Variants in KCNQ1 observed in about 807,000 individuals in gnomAD.
KCNQ1 encodes the protein potassium voltage-gated channel subfamily KQT member 1.
KCNQ1 carries 49 observed loss-of-function variants against 72.4 expected under a neutral mutation model. The observed-to-expected ratio is 0.68, with a 90% CI of 0.54 to 0.86. KCNQ1 has a LOEUF of 0.86. Among genes scored for constraint, KCNQ1 ranks in the 40% least tolerant of loss-of-function variants. KCNQ1 has a pLI of 0.00. For synonymous variants in KCNQ1, 450 were observed against 412.6 expected (o/e 1.09, Z -1.10); for missense variants, 790 against 945.1 (o/e 0.84, Z 2.15).
In KCNQ1 at chr11:2,663,065, G is replaced by T. The variant is rs1479676913; in HGVS notation, c.1514+984G>T. ...CAGGTGTAACCAGAGAACTGGCAGG[G>T]TTGGGTAGCCAGAATGAGGCCACCT... On this transcript the variant is annotated intron_variant, in intron 11 of 15. Coordinates refer to ENST00000155840, the MANE Select transcript of KCNQ1 (RefSeq NM_000218.3). The surrounding 1 kb of genome is among the most constrained non-coding windows in gnomAD (Gnocchi z 5.2). The T allele has an allele frequency of 1.0e-5, 4 of 398,480 alleles. No individual in the cohort carries two copies. The highest frequency in any genetic ancestry group is 1.8e-5 in the Non-Finnish European group (4 of 226,038). The allele number at this position is 398,480 out of a possible 1,614,324, so 24.7% of individuals were successfully genotyped here.
rs1846468742 is a variant in KCNQ1 at position 2,471,756 on chromosome 11, A to C, written c.386+26272A>C. On this transcript the variant is annotated intron_variant, in intron 1 of 15. Coordinates refer to ENST00000155840, the MANE Select transcript of KCNQ1 (RefSeq NM_000218.3). The surrounding 1 kb of genome is among the most constrained non-coding windows in gnomAD (Gnocchi z 4.8). ...TGTATGTGTGCATGGGCGTGTGTGT[A>C]CTTGTGTATGGGTGTGTGCATGTGA... is the stretch of plus-strand genomic sequence containing the variant. Among the ~76,000 whole-genome samples, 1 of 145,170 alleles carries C rather than the reference A, an allele frequency of 6.9e-6. No homozygotes were observed.
At chr11:2,700,854 C>T (rs1850796991) in intron 11 of KCNQ1, among the ~76,000 whole-genome samples, 2 of 152,118 alleles carry the variant, frequency 1.3e-5, no homozygotes, top group South Asian at 2.1e-4. Flanking sequence ...GCCGCTGGCG[C>T]GCGCCTTCTG....
At chr11:2,792,300 C>G (rs1847042431) in intron 15 of KCNQ1, among the ~76,000 whole-genome samples, 1 of 152,222 alleles carries the variant, frequency 6.6e-6, no homozygotes, top group Non-Finnish European at 1.5e-5. Context: ...CCTCTGGCCG[C>G]CAGATCTTTG....
chr11:2,668,859 T>G lies in KCNQ1; in HGVS notation c.1514+6778T>G, dbSNP rs144908659. On this transcript the variant is annotated intron_variant, in intron 11 of 15. Coordinates refer to ENST00000155840, the MANE Select transcript of KCNQ1 (RefSeq NM_000218.3). The surrounding 1 kb of genome is among the most constrained non-coding windows in gnomAD (Gnocchi z 4.3). ...CTGGATAGGGCTGTTTGTGTCCTATTTAAGAAACTTTGACTACTCCAAGGT... is the reference window on the plus strand; with the variant it reads ...CTGGATAGGGCTGTTTGTGTCCTATGTAAGAAACTTTGACTACTCCAAGGT... 8 of 398,638 alleles carry G rather than the reference T, an allele frequency of 2.0e-5. No homozygotes were observed. The East Asian group carries it at 2.8e-4, about 14-fold the overall frequency. 24.7% of individuals were successfully genotyped at this position (398,638 alleles called of 1,614,324 possible). A position where few individuals can be genotyped will look rare whatever the true frequency, so the allele number is the denominator to read the frequency against.
At chr11:2,684,931 C>T (rs975247200) in intron 11 of KCNQ1, 2 of 398,562 alleles carry the variant, frequency 5.0e-6, no homozygotes, top group Non-Finnish European at 8.8e-6. Flanking sequence ...CTGATCCATG[C>T]AGCATGTTAT....
chr11:2,693,316 GCCCT>G, intron 11 of KCNQ1: 2 of 398,792 alleles, frequency 5.0e-6, no homozygotes, highest in Non-Finnish European at 8.8e-6. Flanking sequence ...ACAGGCCTGG[GCCCT>G]CTCTCCCTGC....
chr11:2,491,216 A>AT lies in KCNQ1; in HGVS notation c.387-36711dup, dbSNP rs779716823. 1.1e-4 allele frequency among the ~76,000 whole-genome samples: 17 copies of AT among 152,252 alleles called. No individual in the cohort carries two copies. The highest frequency in any genetic ancestry group is 2.4e-4 in the Non-Finnish European group (16 of 68,050). The stretch of plus-strand genomic sequence containing the variant: ...TGCCTAGACACCAATGAACAAGACC[A>AT]TCTAGGAAAACATGACCTGACCAAA... On this transcript the variant is annotated intron_variant, in intron 1 of 15. Coordinates refer to ENST00000155840, the MANE Select transcript of KCNQ1 (RefSeq NM_000218.3). This position sits in a 1 kb window ranked among gnomAD's most constrained non-coding sequence, Gnocchi z 4.1.
Position 2,678,689 on chromosome 11 carries a change from A to C in KCNQ1, c.1514+16608A>C. On this transcript the variant is annotated intron_variant, in intron 11 of 15. Transcript: ENST00000155840. This position sits in a 1 kb window ranked among gnomAD's most constrained non-coding sequence, Gnocchi z 4.9. ...CCAGGGGAATTCATGGCATGGCCTA[A>C]GATCTAAACACTCTTAAGATTTAAA... The C allele has an allele frequency of 2.5e-6, 1 of 398,648 alleles. No individual in the cohort carries two copies. Among genetic ancestry groups the C allele is most frequent in the Admixed American group, 4.4e-5 (1 of 22,742 alleles). 24.7% of individuals were successfully genotyped at this position (398,648 alleles called of 1,614,324 possible). A position where few individuals can be genotyped will look rare whatever the true frequency, so the allele number is the denominator to read the frequency against.
At position 2,602,249 on chromosome 11, in the gene KCNQ1, T is replaced by C. The variant is rs1848818494; in HGVS notation, c.1393+13395T>C. Among the ~76,000 whole-genome samples, 1 of 151,764 alleles carries C rather than the reference T, an allele frequency of 6.6e-6. No homozygotes were observed. Among genetic ancestry groups the C allele is most frequent in the Admixed American group, 6.6e-5 (1 of 15,228 alleles). ...TTGATTTTTCGTCCCCTAAGACTCT[T>C]TTCAGACTTCTGGCCTCTAGAACTG... is the stretch of plus-strand genomic sequence containing the variant. On this transcript the variant is annotated intron_variant, in intron 10 of 15. Coordinates refer to ENST00000155840, the MANE Select transcript of KCNQ1 (RefSeq NM_000218.3). This position sits in a 1 kb window ranked among gnomAD's most constrained non-coding sequence, Gnocchi z 4.8.
rs1203599173 is a variant in KCNQ1 at position 2,808,011 on chromosome 11, C to T, written c.1794+29974C>T. ...GGAACGGTCTCTCTGGGGGCAGGGC[C>T]GGTGGTACCTGGAGCCCTCCCCACT... On this transcript the variant is annotated intron_variant, in intron 15 of 15. Coordinates refer to ENST00000155840, the MANE Select transcript of KCNQ1 (RefSeq NM_000218.3). The surrounding 1 kb of genome is among the most constrained non-coding windows in gnomAD (Gnocchi z 6.0). Among the ~76,000 whole-genome samples the T allele has an allele frequency of 6.6e-6, 1 of 152,144 alleles. No individual in the cohort carries two copies. The highest frequency in any genetic ancestry group is 2.4e-5 in the African/African-American group (1 of 41,436).
intron 10 of KCNQ1, chr11:2,614,341 T>C (rs1185617590): frequency 1.5e-5 from 6 of 398,448 alleles, no homozygotes; most frequent in Non-Finnish European, 2.7e-5. Flanking sequence ...TTTTTAGTCT[T>C]CTGTGCACCC....
In KCNQ1 at chr11:2,766,188, G is replaced by A. The variant is rs557222211; in HGVS notation, c.1515-2656G>A. Among the ~76,000 whole-genome samples the A allele has an allele frequency of 1.4e-4, 22 of 152,094 alleles. No individual in the cohort carries two copies. Among genetic ancestry groups the A allele is most frequent in the African/African-American group, 5.3e-4 (22 of 41,458 alleles). On this transcript the variant is annotated intron_variant, in intron 11 of 15. Transcript: ENST00000155840. The surrounding 1 kb of genome is among the most constrained non-coding windows in gnomAD (Gnocchi z 4.4). ...TATTTTCTTGAACCTATTTATCATG[G>A]TTATTTTGAAGTCTTCATCTAAATA...
At chr11:2,771,660 G>T (rs2133984299) in intron 12 of KCNQ1, 1 of 152,312 alleles carries the variant, frequency 6.6e-6, no homozygotes, top group East Asian at 1.9e-4. Context: ...TGTGAAACAT[G>T]AATATATGGG....
At chr11:2,531,589 C>T (rs1319886286) in intron 2 of KCNQ1, among the ~76,000 whole-genome samples, 1 of 152,186 alleles carries the variant, frequency 6.6e-6, no homozygotes, top group Non-Finnish European at 1.5e-5. Context: ...GAACTGTGGC[C>T]ACAAACCCCT....
At position 2,458,362 on chromosome 11, in the gene KCNQ1, G is replaced by A. The variant is rs1173155729; in HGVS notation, c.386+12878G>A. ...GAGACCGCTCATGATGTTGAATCCT[G>A]GCAAGCAAACGGAGAGAATCTGACA... On this transcript the variant is annotated intron_variant, in intron 1 of 15. Transcript: ENST00000155840. The surrounding 1 kb of genome is among the most constrained non-coding windows in gnomAD (Gnocchi z 4.6). Among the ~76,000 whole-genome samples, 1 of 152,218 alleles carries A rather than the reference G, an allele frequency of 6.6e-6. No individual in the cohort carries two copies. The highest frequency in any genetic ancestry group is 1.5e-5 in the Non-Finnish European group (1 of 68,042).
intron 10 of KCNQ1, chr11:2,640,333 T>C: frequency 2.5e-6 from 1 of 398,546 alleles, no homozygotes; most frequent in Non-Finnish European, 4.4e-6. Flanking sequence ...GCTCCTCCTA[T>C]TCGGCCATCT....
rs925812864 is a variant in KCNQ1 at position 2,495,018 on chromosome 11, CTTG to C, written c.387-32903_387-32901del. Among the ~76,000 whole-genome samples the C allele has an allele frequency of 7.9e-5, 12 of 152,206 alleles. No homozygotes were observed. Among genetic ancestry groups the C allele is most frequent in the Middle Eastern group, 3.4e-3 (1 of 294 alleles). The stretch of plus-strand genomic sequence containing the variant: ...ATTAATTACTGCCTCAATTTCAGAA[CTTG>C]TTGTTGGTCTATTCAGGGATTCGAC... On this transcript the variant is annotated intron_variant, in intron 1 of 15. Coordinates refer to ENST00000155840, the MANE Select transcript of KCNQ1 (RefSeq NM_000218.3). This position sits in a 1 kb window ranked among gnomAD's most constrained non-coding sequence, Gnocchi z 4.6.
rs1336553180 is a variant in KCNQ1 at position 2,818,000 on chromosome 11, T to C, written c.1795-29767T>C. ...TTCCCAAACTCTATCTACAAAATAT[T>C]TTTCTCTTTTATCATTAAAGAATAT... On this transcript the variant is annotated intron_variant, in intron 15 of 15. Coordinates refer to ENST00000155840, the MANE Select transcript of KCNQ1 (RefSeq NM_000218.3). The surrounding 1 kb of genome is among the most constrained non-coding windows in gnomAD (Gnocchi z 6.1). 6.6e-6 allele frequency among the ~76,000 whole-genome samples: 1 copy of C among 152,102 alleles called. No individual in the cohort carries two copies. Among genetic ancestry groups the C allele is most frequent in the Admixed American group, 6.6e-5 (1 of 15,266 alleles).
chr11:2,823,240 A>G (rs892068447), intron 15 of KCNQ1, among the ~76,000 whole-genome samples: 2 of 152,232 alleles, frequency 1.3e-5, no homozygotes, highest in African/African-American at 4.8e-5. Context: ...CTCTGAACAG[A>G]TCAGTCTTTG....
Sources: allele counts gnomAD v4.1 joint callset (sites outside exome capture counted in the v4.1 genomes callset), GRCh38; gene constraint gnomAD v4.1.1; non-coding constraint Gnocchi (gnomAD v3.1); transcripts MANE v1.5; gene names NCBI Gene and HGNC (gene_info 2026-07-23, HGNC 2026-07-21).